The following PKP4 variants were observed in gnomAD, a reference collection of about 807,000 sequenced individuals.
The protein encoded by PKP4 is plakophilin 4, also known as plakophilin-4.
PKP4 carries 90 observed loss-of-function variants against 145.1 expected under a neutral mutation model. The observed-to-expected ratio is 0.62, with a 90% confidence interval of 0.52 to 0.74. The LOEUF (loss-of-function observed/expected upper bound fraction) is 0.74, where lower values mean the gene tolerates loss of function less well. Among genes scored for constraint, PKP4 ranks in the 30% least tolerant of loss-of-function variants. The pLI, the probability that PKP4 is intolerant of heterozygous loss-of-function variation, is 0.00. For synonymous variants in PKP4, 563 were observed against 577.2 expected, an observed-to-expected ratio of 0.98 and a Z score of 0.35; for missense variants, 1,340 against 1,482.7, an observed-to-expected ratio of 0.90 and a Z score of 1.58.
intron 2 of PKP4, among the ~76,000 whole-genome samples, chr2:158,550,143 A>ATTCTCTTAAATTCTATTTAT (rs564291706): frequency 6.8e-6 from 1 of 147,046 alleles, no homozygotes; most frequent in Admixed American, 6.8e-5. Flanking sequence ...TGCCAAGAAG[A>ATTCTCTTAAATTCTATTTAT]AGTTAAACAA....
At chr2:158,482,011 T>G (rs192788925) in intron 1 of PKP4, among the ~76,000 whole-genome samples, 84 of 152,358 alleles carry the variant, frequency 5.5e-4, no homozygotes, top group African/African-American at 1.9e-3. Context: ...TGGTAAAGTT[T>G]ATAGAGTTTT....
intron 1 of PKP4, among the ~76,000 whole-genome samples, chr2:158,497,317 T>A (rs199958221): frequency 0.2 from 29,761 of 152,004 alleles, 3,704 homozygotes; most frequent in Middle Eastern, 0.34. Flanking sequence ...GCATTTGTAT[T>A]TGCATTTTGA....
intron 1 of PKP4, among the ~76,000 whole-genome samples, chr2:158,497,870 A>T (rs982136526): frequency 1.3e-5 from 2 of 152,226 alleles, no homozygotes; most frequent in African/African-American, 4.8e-5. Flanking sequence ...TAAAAATCCC[A>T]GTAAATGTTG....
At chr2:158,597,085 T>C (rs2049819789) in intron 3 of PKP4, among the ~76,000 whole-genome samples, 1 of 152,212 alleles carries the variant, frequency 6.6e-6, no homozygotes, top group African/African-American at 2.4e-5. Flanking sequence ...TGCTGGGCCC[T>C]GTGACATTGA....
chr2:158,629,589 T>C (rs529209387), intron 7 of PKP4, among the ~76,000 whole-genome samples: 2 of 152,220 alleles, frequency 1.3e-5, no homozygotes, highest in South Asian at 2.1e-4. Context: ...TCATTCACTT[T>C]AGAAGCTTTA....
intron 8 of PKP4, 63 bp from the exon 9 acceptor site, chr2:158,634,007 C>T (rs772302470): frequency 4.6e-6 from 4 of 870,486 alleles, no homozygotes; most frequent in Non-Finnish European, 7.3e-6. Context: ...AATGTTTTAC[C>T]TTTAATTAAA....
chr2:158,675,388 T>G (rs1017934509), intron 19 of PKP4, among the ~76,000 whole-genome samples: 1 of 152,118 alleles, frequency 6.6e-6, no homozygotes, highest in Non-Finnish European at 1.5e-5. Context: ...AAGATAATTA[T>G]TACTCTTCAA....
intron 1 of PKP4, among the ~76,000 whole-genome samples, chr2:158,487,113 A>G (rs910323825): frequency 1.3e-5 from 2 of 152,170 alleles, no homozygotes; most frequent in African/African-American, 4.8e-5. Flanking sequence ...AGTAGTGGCC[A>G]GAGAATGGAG....
chr2:158,557,304 G>A lies in PKP4; in HGVS notation c.133-19967G>A, dbSNP rs548203403. 8.5e-5 allele frequency among the ~76,000 whole-genome samples: 13 copies of A among 152,228 alleles called. No homozygotes were observed. The South Asian group carries it at 1.0e-3, about 12-fold the overall frequency. On this transcript the variant is annotated intron_variant, in intron 2 of 21. Transcript: ENST00000389759. The stretch of plus-strand genomic sequence containing the variant: ...TACCTTACATGAGTCTGTGTCAGAT[G>A]TAGACTTACTGAAAACACAGGAGGA...
chr2:158,634,207 T>G lies in PKP4; in HGVS notation c.1480T>G (p.Tyr494Asp). Residue 494 changes from tyrosine to aspartate, a missense_variant, in exon 9 of 22, where the codon TAT (tyrosine) becomes GAT (aspartate). Physicochemically the swap from Tyr to Asp is radical, Grantham distance 160. Transcript: ENST00000389759. Reference sequence around the variant, plus strand: ...ACAATACCGAGTGCAAGAGTGCAATTATAACAGGCTTCAGCATGCAGTGCC... The same window carrying G: ...ACAATACCGAGTGCAAGAGTGCAATGATAACAGGCTTCAGCATGCAGTGCC... ...PIQYRVQECN[Y>D]NRLQHAVPAD... 1 of 1,614,010 alleles carries G rather than the reference T, an allele frequency of 6.2e-7. No homozygotes were observed. The highest frequency in any genetic ancestry group is 8.5e-7 in the Non-Finnish European group (1 of 1,180,002).
intron 11 of PKP4, among the ~76,000 whole-genome samples, chr2:158,649,292 C>T (rs2055126292): frequency 6.6e-6 from 1 of 152,060 alleles, no homozygotes; most frequent in African/African-American, 2.4e-5. Context: ...TGTTTCTTCC[C>T]TGACCCTTCC....
chr2:158,511,711 T>C (rs2041535802), intron 1 of PKP4, among the ~76,000 whole-genome samples: 1 of 152,232 alleles, frequency 6.6e-6, no homozygotes, highest in Non-Finnish European at 1.5e-5. Flanking sequence ...ATTTTCAAAA[T>C]TAAACATTTT....
intron 17 of PKP4, among the ~76,000 whole-genome samples, chr2:158,673,115 G>A (rs1405441368): frequency 6.6e-6 from 1 of 152,186 alleles, no homozygotes; most frequent in Non-Finnish European, 1.5e-5. Context: ...CTATGCTTAA[G>A]CAGAGCACCA....
intron 2 of PKP4, among the ~76,000 whole-genome samples, chr2:158,546,219 A>G (rs942624055): frequency 7.9e-5 from 12 of 152,200 alleles, no homozygotes; most frequent in African/African-American, 2.9e-4. Context: ...TAATCTTTTT[A>G]GATTCTTTTG....
At chr2:158,622,921 T>C (rs572226456) in intron 6 of PKP4, among the ~76,000 whole-genome samples, 1 of 152,200 alleles carries the variant, frequency 6.6e-6, no homozygotes, top group Non-Finnish European at 1.5e-5. Context: ...TTACCTTATA[T>C]CTATATAAAT....
chr2:158,471,808 C>A (rs762410956), intron 1 of PKP4, among the ~76,000 whole-genome samples: 1 of 152,140 alleles, frequency 6.6e-6, no homozygotes, highest in Non-Finnish European at 1.5e-5. Context: ...TTTTTAGATA[C>A]CTCATTAAAC....
chr2:158,608,211 A>C (rs2050809545), intron 4 of PKP4, among the ~76,000 whole-genome samples: 1 of 152,228 alleles, frequency 6.6e-6, no homozygotes, highest in South Asian at 2.1e-4. Context: ...TTTAAAATTA[A>C]AAAATTAAGA....
At chr2:158,473,586 T>C (rs1472899316) in intron 1 of PKP4, among the ~76,000 whole-genome samples, 1 of 151,912 alleles carries the variant, frequency 6.6e-6, no homozygotes, top group African/African-American at 2.4e-5. Flanking sequence ...TATTCTCACT[T>C]ATAAGTGGGA....
intron 9 of PKP4, among the ~76,000 whole-genome samples, chr2:158,637,054 T>A (rs755643519): frequency 2.6e-5 from 4 of 152,214 alleles, no homozygotes; most frequent in Admixed American, 6.5e-5. Context: ...TTAGTCATTT[T>A]AAATTATATA....
Sources: allele counts gnomAD v4.1 joint callset (sites outside exome capture counted in the v4.1 genomes callset), GRCh38; gene constraint gnomAD v4.1.1; transcripts MANE v1.5; gene names NCBI Gene and HGNC (gene_info 2026-07-23, HGNC 2026-07-21).